KIF5B: variants seen among roughly 807,000 people sequenced by gnomAD.
The protein encoded by KIF5B is kinesin-1 heavy chain.
KIF5B carries 49 observed loss-of-function variants against 132.8 expected under a neutral mutation model. That is an observed-to-expected ratio of 0.37 (90% confidence interval 0.29 to 0.47). The LOEUF (loss-of-function observed/expected upper bound fraction) is 0.47. Among genes scored for constraint, KIF5B ranks in the 20% least tolerant of loss-of-function variants. The pLI is 1.00. For missense variants in KIF5B, 780 were observed against 1,144.0 expected (o/e 0.68, Z 4.59); for synonymous variants, 355 against 369.4 (o/e 0.96, Z 0.45).
At chr10:32,020,112 T>C (rs1841238203) in intron 19 of KIF5B, among the ~76,000 whole-genome samples, 153 bp from the exon 20 acceptor site, 1 of 152,236 alleles carries the variant, frequency 6.6e-6, no homozygotes, top group Non-Finnish European at 1.5e-5. Flanking sequence ...GGGACCTGGC[T>C]ACTTGTGGAC....
At chr10:32,035,834 T>C in intron 9 of KIF5B, 56 bp downstream of exon 9, 1 of 1,405,728 alleles carries the variant, frequency 7.1e-7, no homozygotes, top group Non-Finnish European at 9.9e-7. Context: ...CATATACACC[T>C]ATATTTAAAT....
At chr10:32,034,578 C>T in intron 11 of KIF5B, 112 bp downstream of exon 11, 1 of 708,994 alleles carries the variant, frequency 1.4e-6, no homozygotes, top group Non-Finnish European at 2.1e-6. Context: ...ATTTCGATGT[C>T]TATTAAATTT....
intron 1 of KIF5B, among the ~76,000 whole-genome samples, chr10:32,049,271 C>T (rs1378574419): frequency 6.6e-6 from 1 of 152,094 alleles, no homozygotes; most frequent in East Asian, 1.9e-4. Context: ...AATTAAGTGA[C>T]CAGAATTCTG....
Position 32,036,307 on chromosome 10 carries a change from TA to T in KIF5B, c.712-314del, listed in dbSNP as rs559018925. ...AAAACAGGAACCTTCTAAAATTGGC[TA>T]ATGCATAATGTTGATGTTGTAACTG... is the stretch of plus-strand genomic sequence containing the variant. On this transcript the variant is annotated intron_variant, in intron 8 of 25. Transcript: ENST00000302418. Among the ~76,000 whole-genome samples, 6 of 152,378 alleles carry T rather than the reference TA, an allele frequency of 3.9e-5. No individual in the cohort carries two copies. In the South Asian group the frequency reaches 1.0e-3, roughly 26 times the overall value.
chr10:32,028,011 TGTGCAGGCTGGA>T (rs1036312855), intron 15 of KIF5B, among the ~76,000 whole-genome samples: 3 of 152,128 alleles, frequency 2.0e-5, no homozygotes, highest in Non-Finnish European at 2.9e-5. Flanking sequence ...CTTGATCTGT[TGTGCAGGCTGGA>T]GTGCAGTTGC....
chr10:32,045,380 C>G (rs141587395), intron 2 of KIF5B, among the ~76,000 whole-genome samples: 15 of 152,238 alleles, frequency 9.9e-5, no homozygotes, highest in African/African-American at 3.6e-4. Flanking sequence ...GATATTAAAA[C>G]AGAGGTACTT....
At chr10:32,023,633 G>C (rs1204597230) in intron 15 of KIF5B, among the ~76,000 whole-genome samples, 1 of 152,202 alleles carries the variant, frequency 6.6e-6, no homozygotes, top group African/African-American at 2.4e-5. Flanking sequence ...TTACTGTAAA[G>C]CTATAATAAT....
rs1841040142 is a variant in KIF5B, at chr10:32,009,454, T to G, written c.*2083A>C. On this transcript the variant is annotated 3_prime_UTR_variant, in exon 26 of 26. Transcript: ENST00000302418. ...AATGACCTACCATAGCAAAAAGCAG[T>G]TCACTGAAAACAAATTTATGAAATT... 6.6e-6 allele frequency: 1 copy of G among 152,166 alleles called. No individual in the cohort carries two copies. Among genetic ancestry groups the G allele is most frequent in the South Asian group, 2.1e-4 (1 of 4,834 alleles). The allele number at this position is 152,166 out of a possible 1,614,324, so 9.4% of individuals were successfully genotyped here. A position where few individuals can be genotyped will look rare whatever the true frequency, so the allele number is the denominator to read the frequency against.
chr10:32,040,673 T>C (rs866383764), intron 2 of KIF5B, among the ~76,000 whole-genome samples: 3 of 147,600 alleles, frequency 2.0e-5, no homozygotes, highest in Non-Finnish European at 4.6e-5. Context: ...TTCCTAACCC[T>C]TGCATACTAA....
intron 14 of KIF5B, among the ~76,000 whole-genome samples, chr10:32,028,803 G>A (rs942245285): frequency 2.0e-5 from 3 of 152,126 alleles, no homozygotes; most frequent in Non-Finnish European, 2.9e-5. Context: ...TTAAGAGCAG[G>A]CAGTTTCTGT....
At chr10:32,019,775 C>A in intron 20 of KIF5B, 83 bp downstream of exon 20, 6 of 863,744 alleles carry the variant, frequency 6.9e-6, no homozygotes, top group South Asian at 1.7e-5. Flanking sequence ...AAATATGTAT[C>A]CACTGGCTAT....
chr10:32,029,208 G>C (rs942529580), intron 14 of KIF5B, among the ~76,000 whole-genome samples: 2 of 152,172 alleles, frequency 1.3e-5, no homozygotes, highest in Non-Finnish European at 2.9e-5. Flanking sequence ...TGGCAGAACA[G>C]ATACAAGGTG....
At chr10:32,054,927 T>C (rs1413371595) in intron 1 of KIF5B, among the ~76,000 whole-genome samples, 2 of 148,046 alleles carry the variant, frequency 1.4e-5, no homozygotes, top group African/African-American at 4.9e-5. Flanking sequence ...ATTCTTGGGA[T>C]TACCAAACAA....
At chr10:32,016,442 G>A (rs2132577964) in intron 24 of KIF5B, among the ~76,000 whole-genome samples, 1 of 152,066 alleles carries the variant, frequency 6.6e-6, no homozygotes, top group East Asian at 1.9e-4. Context: ...TGCAACAAGA[G>A]TGAAACTCCA....
chr10:32,056,010 C>G lies in KIF5B; in HGVS notation c.-37G>C, dbSNP rs748566501. 13 of 1,598,262 alleles carry G rather than the reference C, an allele frequency of 8.1e-6. No homozygotes were observed. Among genetic ancestry groups the G allele is most frequent in the Middle Eastern group, 4.0e-4 (2 of 4,948 alleles). On this transcript the variant is annotated 5_prime_UTR_variant, in exon 1 of 26. Coordinates refer to ENST00000302418, the MANE Select transcript of KIF5B (RefSeq NM_004521.3). ...CCGGGGCCGGCGGCCGGGAGCCACT[C>G]CCCGCCGCTCAGTCTTGCAGGGAAC... is the stretch of plus-strand genomic sequence containing the variant.
intron 1 of KIF5B, among the ~76,000 whole-genome samples, chr10:32,050,481 T>A (rs781202774): frequency 5.3e-5 from 8 of 152,116 alleles, no homozygotes; most frequent in Non-Finnish European, 1.0e-4. Context: ...AGCTGTAGCA[T>A]CCATCTTGCA....
chr10:32,038,293 T>A (rs1398807615), intron 5 of KIF5B, 75 bp from the exon 6 acceptor site: 4 of 1,009,264 alleles, frequency 4.0e-6, no homozygotes, highest in Non-Finnish European at 4.7e-6. Context: ...CTGATAGGCT[T>A]TCCTGAGCAG....
chr10:32,038,957 T>C (rs1312613252), intron 4 of KIF5B, 131 bp from the exon 5 acceptor site: 2 of 639,350 alleles, frequency 3.1e-6, no homozygotes, highest in Non-Finnish European at 5.5e-6. Flanking sequence ...GCTCACATTC[T>C]AATGGGAAGA....
At chr10:32,032,174 G>C (rs1225342002) in intron 13 of KIF5B, among the ~76,000 whole-genome samples, 1 of 151,968 alleles carries the variant, frequency 6.6e-6, no homozygotes, top group African/African-American at 2.4e-5. Context: ...TAGGAGTAGG[G>C]ACCAGGAATG....
Sources: gnomAD v4.1 joint callset for allele counts (sites outside exome capture counted in the v4.1 genomes callset) on GRCh38, gnomAD v4.1.1 for gene constraint, MANE v1.5 for transcripts, NCBI Gene and HGNC (gene_info 2026-07-23, HGNC 2026-07-21) for gene names.